The following CAMTA1 variants were observed in gnomAD, a reference collection of about 807,000 sequenced individuals.
CAMTA1 encodes calmodulin-binding transcription activator 1.
Under a neutral mutation model 170.9 loss-of-function variants are expected in CAMTA1, and 27 were observed. That is an observed-to-expected ratio of 0.16 (90% CI 0.12 to 0.22). The LOEUF (loss-of-function observed/expected upper bound fraction) is 0.22, where lower values mean the gene tolerates loss of function less well. Ranked by LOEUF, CAMTA1 falls within the 10% of genes least tolerant of loss-of-function variation. The pLI, the probability that CAMTA1 is intolerant of heterozygous loss-of-function variation, is 1.00. For missense variants in CAMTA1, 1,619 were observed against 2,217.2 expected (o/e 0.73, Z 5.42); for synonymous variants, 833 against 891.5 (o/e 0.93, Z 1.17).
chr1:7,348,002 T>C lies in CAMTA1; in HGVS notation c.438+98376T>C, dbSNP rs571950177. 2.0e-5 allele frequency among the ~76,000 whole-genome samples: 3 copies of C among 152,274 alleles called. No individual in the cohort carries two copies. The South Asian group carries it at 6.2e-4, about 32-fold the overall frequency. On this transcript the variant is annotated intron_variant, in intron 5 of 22. Transcript: ENST00000303635. ...TAATTTATTCAGCTTAGGAGGACAG[T>C]GGTTTGATACACCGTGTAGAGGACT...
chr1:6,833,531 G>A (rs1307852169), intron 3 of CAMTA1, among the ~76,000 whole-genome samples: 4 of 152,188 alleles, frequency 2.6e-5, no homozygotes, highest in African/African-American at 9.7e-5. Context: ...CATACTGACT[G>A]TTCTCAAGCA....
chr1:7,045,725 A>G (rs12060206), intron 3 of CAMTA1, among the ~76,000 whole-genome samples: 4,632 of 152,306 alleles, frequency 0.03, 100 homozygotes, highest in African/African-American at 0.061. Flanking sequence ...CCACATGAGT[A>G]GATTTTAAAA....
At chr1:7,200,339 A>G (rs1274750658) in intron 4 of CAMTA1, among the ~76,000 whole-genome samples, 1 of 152,256 alleles carries the variant, frequency 6.6e-6, no homozygotes, top group Non-Finnish European at 1.5e-5. Context: ...CCACAGTACA[A>G]ATATCAAAGT....
In CAMTA1 at chr1:7,663,450, G is replaced by A. The variant is rs376130789; in HGVS notation, c.903G>A (p.Ser301=). The change falls in exon 9 of 23, where the codon TCG becomes TCA. Residue 301 remains serine, a synonymous_variant. Transcript: ENST00000303635. The part of the protein sequence containing the change: ...EPRTGGYGSH[S]EVQHNDVSEG... ...GGACAGGGGGGTACGGGAGCCACTCGGAGGTGCAGCACAATGACGTGTCGG... is the reference window on the plus strand; with the variant it reads ...GGACAGGGGGGTACGGGAGCCACTCAGAGGTGCAGCACAATGACGTGTCGG... 1.3e-5 allele frequency: 21 copies of A among 1,584,700 alleles called. No individual in the cohort carries two copies. The highest frequency in any genetic ancestry group is 1.6e-5 in the Non-Finnish European group (19 of 1,160,090).
At chr1:7,246,514 C>T (rs1665802205) in intron 4 of CAMTA1, among the ~76,000 whole-genome samples, 1 of 151,998 alleles carries the variant, frequency 6.6e-6, no homozygotes, top group African/African-American at 2.4e-5. Context: ...TCCTGCTCTT[C>T]TTGTGGGGAG....
chr1:7,434,770 G>A (rs1264435319), intron 5 of CAMTA1, among the ~76,000 whole-genome samples: 2 of 151,932 alleles, frequency 1.3e-5, no homozygotes, highest in Non-Finnish European at 2.9e-5. Context: ...GCCGGGCATG[G>A]TGGCTCACGC....
At chr1:6,992,760 T>C (rs1696598429) in intron 3 of CAMTA1, among the ~76,000 whole-genome samples, 1 of 152,194 alleles carries the variant, frequency 6.6e-6, no homozygotes, top group Non-Finnish European at 1.5e-5. Context: ...CCTGCTATCA[T>C]GAGAGCAGCA....
intron 6 of CAMTA1, among the ~76,000 whole-genome samples, chr1:7,512,686 A>G (rs1306825425): frequency 2.0e-5 from 3 of 152,224 alleles, no homozygotes; most frequent in Non-Finnish European, 2.9e-5. Context: ...CAAGTTACAT[A>G]GCAAAACCCA....
In CAMTA1 at chr1:7,234,040, G is replaced by A. The variant is rs1663349582; in HGVS notation, c.303-15451G>A. On this transcript the variant is annotated intron_variant, in intron 4 of 22. Transcript: ENST00000303635. This position sits in a 1 kb window ranked among gnomAD's most constrained non-coding sequence, Gnocchi z 5.0. ...ATGCTACATTTGTATTAAGATTGGA[G>A]TCCTCGCTTTTCCTTCATCGCTGTT... 6.6e-6 allele frequency among the ~76,000 whole-genome samples: 1 copy of A among 152,132 alleles called. No homozygotes were observed. The highest frequency in any genetic ancestry group is 6.5e-5 in the Admixed American group (1 of 15,274).
intron 6 of CAMTA1, among the ~76,000 whole-genome samples, chr1:7,536,655 C>T (rs540838251): frequency 3.2e-4 from 49 of 152,272 alleles, no homozygotes; most frequent in Non-Finnish European, 6.2e-4. Flanking sequence ...CTGGGTCCAG[C>T]GAGTGTGTGA....
At chr1:6,884,122 G>A (rs945036553) in intron 3 of CAMTA1, among the ~76,000 whole-genome samples, 1 of 152,056 alleles carries the variant, frequency 6.6e-6, no homozygotes, top group Non-Finnish European at 1.5e-5. Flanking sequence ...GGAGGTCGTG[G>A]TTCATGAAGG....
In CAMTA1 at chr1:7,664,728, C is replaced by A; in HGVS notation, c.2181C>A (p.Ile727=). 3.1e-6 allele frequency: 5 copies of A among 1,608,674 alleles called. No homozygotes were observed. The highest frequency in any genetic ancestry group is 4.2e-6 in the Non-Finnish European group (5 of 1,176,586). Residue 727 remains isoleucine (I), a synonymous_variant, in exon 9 of 23, where the codon ATC becomes ATA. Transcript: ENST00000303635. The stretch of plus-strand genomic sequence containing the variant: ...TGCAGCCGGAGACCAACGGGGTAAT[C>A]CGAAGCGCCGGCGGCGTCCCCATCC... The part of the protein sequence containing the change: ...HYLQPETNGV[I]RSAGGVPILP...
At chr1:6,832,710 G>A (rs11577940) in intron 3 of CAMTA1, among the ~76,000 whole-genome samples, 3 of 152,140 alleles carry the variant, frequency 2.0e-5, no homozygotes, top group African/African-American at 7.2e-5. Context: ...GTTTTGTTTA[G>A]CTTTTGGCAG....
intron 3 of CAMTA1, among the ~76,000 whole-genome samples, chr1:6,864,372 T>A (rs1191694060): frequency 6.6e-6 from 1 of 152,140 alleles, no homozygotes; most frequent in Admixed American, 6.6e-5. Context: ...GCCCTTGCCT[T>A]CTCCAGCCCA....
chr1:7,055,548 T>C (rs1325709441), intron 3 of CAMTA1, among the ~76,000 whole-genome samples: 2 of 152,228 alleles, frequency 1.3e-5, no homozygotes, highest in Non-Finnish European at 2.9e-5. Context: ...CCTATTCTTA[T>C]TGATTTCATC....
At chr1:7,328,031 G>A (rs576614543) in intron 5 of CAMTA1, among the ~76,000 whole-genome samples, 20 of 151,958 alleles carry the variant, frequency 1.3e-4, no homozygotes, top group East Asian at 7.7e-4. Context: ...GAAATCAGTC[G>A]TCATTCTAAT....
chr1:7,375,638 C>G (rs746556736), intron 5 of CAMTA1, among the ~76,000 whole-genome samples: 15 of 152,206 alleles, frequency 9.9e-5, no homozygotes, highest in Non-Finnish European at 1.8e-4. Flanking sequence ...GGGCCTTCCC[C>G]TGTGCAGGCT....
At chr1:7,276,303 A>ATATATATATATATAATTTT in intron 5 of CAMTA1, among the ~76,000 whole-genome samples, 1 of 24,226 alleles carries the variant, frequency 4.1e-5, no homozygotes, top group African/African-American at 3.0e-4. Context: ...ATATATATAT[A>ATATATATATATATAATTTT]TTTTTTTTTT....
At chr1:6,931,679 G>A (rs1400813022) in intron 3 of CAMTA1, among the ~76,000 whole-genome samples, 1 of 152,174 alleles carries the variant, frequency 6.6e-6, no homozygotes, top group Admixed American at 6.5e-5. Flanking sequence ...ATTTGCCTAC[G>A]CTACGTGGCT....
Sources: gnomAD v4.1 joint callset for allele counts (sites outside exome capture counted in the v4.1 genomes callset) on GRCh38, gnomAD v4.1.1 for gene constraint, Gnocchi (gnomAD v3.1) non-coding constraint, MANE v1.5 for transcripts, NCBI Gene and HGNC (gene_info 2026-07-23, HGNC 2026-07-21) for gene names.